Variants in TMEM132D observed in about 807,000 individuals in gnomAD.
The protein encoded by TMEM132D is transmembrane protein 132D, also known as mature OL transmembrane protein.
TMEM132D carries 21 observed loss-of-function variants against 62.3 expected under a neutral mutation model. The ratio of observed to expected loss-of-function variants is 0.34; its 90% CI spans 0.24 to 0.49. The LOEUF (loss-of-function observed/expected upper bound fraction) is 0.49, where lower values mean the gene tolerates loss of function less well. TMEM132D is among the 20% of genes least tolerant of loss of function. TMEM132D has a pLI of 0.99. For synonymous variants in TMEM132D, 621 were observed against 575.6 expected (o/e 1.08, Z -1.13); for missense variants, 1,346 against 1,402.8 (o/e 0.96, Z 0.65).
intron 4 of TMEM132D, among the ~76,000 whole-genome samples, chr12:129,319,233 G>T (rs1414995580): frequency 1.3e-5 from 2 of 152,234 alleles, no homozygotes; most frequent in African/African-American, 4.8e-5. Flanking sequence ...TGTGGTGCCA[G>T]GCAGGAATGG....
rs139984214 is a variant in TMEM132D, at chr12:129,430,004, C to T, written c.1116-92187G>A. Among the ~76,000 whole-genome samples the T allele has an allele frequency of 6.7e-3, 1,022 of 152,014 alleles. 8 individuals carry two copies. Among genetic ancestry groups the T allele is most frequent in the African/African-American group, 0.022 (896 of 41,438 alleles). ...TTGTTGTTGGACATTTGGGTTAGTT[C>T]CAAGTCTCTGCTATTGTGAATAGTG... is the stretch of plus-strand genomic sequence containing the variant. On this transcript the variant is annotated intron_variant, in intron 3 of 8. Transcript: ENST00000422113.
chr12:129,664,173 C>CA (rs1179117165), intron 2 of TMEM132D, among the ~76,000 whole-genome samples: 5 of 152,138 alleles, frequency 3.3e-5, no homozygotes, highest in African/African-American at 1.2e-4. Context: ...CTCACTAGAG[C>CA]AATCTTCAAA....
At chr12:129,826,476 C>T (rs966993519) in intron 1 of TMEM132D, among the ~76,000 whole-genome samples, 3 of 152,202 alleles carry the variant, frequency 2.0e-5, no homozygotes, top group Non-Finnish European at 4.4e-5. Context: ...TTCCTCATGT[C>T]TCTAGAGGTA....
chr12:129,807,442 C>T (rs1245687837), intron 1 of TMEM132D, among the ~76,000 whole-genome samples: 2 of 152,192 alleles, frequency 1.3e-5, no homozygotes, highest in Admixed American at 6.5e-5. Context: ...CAGACATCGC[C>T]ATCCCAATCC....
chr12:129,815,511 C>A (rs1226840384), intron 1 of TMEM132D, among the ~76,000 whole-genome samples: 1 of 152,196 alleles, frequency 6.6e-6, no homozygotes, highest in Non-Finnish European at 1.5e-5. Context: ...TTCCAGGAGC[C>A]ACCCCCACCC....
chr12:129,796,737 G>T (rs1871572649), intron 1 of TMEM132D, among the ~76,000 whole-genome samples: 1 of 152,128 alleles, frequency 6.6e-6, no homozygotes, highest in African/African-American at 2.4e-5. Context: ...TGGAGGGTGG[G>T]GAGTAAGGGG....
chr12:129,081,621 C>T (rs1874448265), intron 7 of TMEM132D, 138 bp downstream of exon 7: 1 of 1,301,784 alleles, frequency 7.7e-7, no homozygotes, highest in Non-Finnish European at 1.0e-6. Context: ...TTGCTTACTC[C>T]ACAATTTCTT....
Position 129,209,514 on chromosome 12 carries a change from A to T in TMEM132D, c.1443+6T>A, listed in dbSNP as rs762639339. 69 of 1,613,512 alleles carry T rather than the reference A, an allele frequency of 4.3e-5. No homozygotes were observed. The highest frequency in any genetic ancestry group is 5.7e-5 in the Non-Finnish European group (67 of 1,179,768). ...TTTCTGCAGGGGCGGGGAGGTGTCAACTTGCCTTAATCACGTCTTCATCAG... is the reference window on the plus strand; with the variant it reads ...TTTCTGCAGGGGCGGGGAGGTGTCATCTTGCCTTAATCACGTCTTCATCAG... On this transcript the variant is annotated splice_donor_region_variant and intron_variant, in intron 5 of 8. Transcript: ENST00000422113.
chr12:129,821,153 A>T (rs1872531842), intron 1 of TMEM132D, among the ~76,000 whole-genome samples: 2 of 152,166 alleles, frequency 1.3e-5, no homozygotes, highest in South Asian at 4.1e-4. Context: ...ATGATCAAAA[A>T]TGCTTAAGAA....
At chr12:129,098,473 G>GGTCTCTA (rs1875185143) in intron 5 of TMEM132D, among the ~76,000 whole-genome samples, 2 of 152,152 alleles carry the variant, frequency 1.3e-5, no homozygotes, top group Admixed American at 1.3e-4. Context: ...GGGCACAGAT[G>GGTCTCTA]CCTTTTTTTC....
chr12:129,420,304 C>CTTTTTTTT (rs1566063045), intron 3 of TMEM132D, among the ~76,000 whole-genome samples: 34 of 69,872 alleles, frequency 4.9e-4, no homozygotes, highest in African/African-American at 9.8e-4. Context: ...TGCACGTTCT[C>CTTTTTTTT]TGTTTTTTTT....
chr12:129,143,258 G>A (rs918747762), intron 5 of TMEM132D, among the ~76,000 whole-genome samples: 14 of 152,014 alleles, frequency 9.2e-5, no homozygotes, highest in Admixed American at 2.0e-4. Flanking sequence ...CAAAACTCAG[G>A]GAAACACTTA....
chr12:129,365,441 C>T (rs149118400), intron 3 of TMEM132D, among the ~76,000 whole-genome samples: 247 of 152,250 alleles, frequency 1.6e-3, no homozygotes, highest in African/African-American at 5.7e-3. Context: ...CTATCCAAAG[C>T]TAAGGCCTTA....
chr12:129,185,548 TATTTTA>T (rs1247577259), intron 5 of TMEM132D, among the ~76,000 whole-genome samples: 1 of 151,634 alleles, frequency 6.6e-6, no homozygotes, highest in African/African-American at 2.4e-5. Flanking sequence ...TTTATTATTT[TATTTTA>T]ATTTTATTAT....
intron 5 of TMEM132D, among the ~76,000 whole-genome samples, chr12:129,188,762 G>GGAGAGAGAGAGAGAGAGA (rs569138938): frequency 7.9e-6 from 1 of 126,224 alleles, no homozygotes; most frequent in African/African-American, 2.9e-5. Context: ...AGGGAGAGAG[G>GGAGAGAGAGAGAGAGAGA]GAGAGAGAGA....
intron 1 of TMEM132D, among the ~76,000 whole-genome samples, chr12:129,762,460 A>G (rs1206802481): frequency 6.6e-6 from 1 of 152,056 alleles, no homozygotes; most frequent in Admixed American, 6.5e-5. Context: ...CATCATTCCC[A>G]TGATGTTTCA....
chr12:129,512,475 G>A lies in TMEM132D; in HGVS notation c.1115+18584C>T, dbSNP rs192752698. ...ACAGAGACGAACAAGATGACAGAGA[G>A]ACATTGAACATTGGTGACATCTTCT... On this transcript the variant is annotated intron_variant, in intron 3 of 8. Coordinates refer to ENST00000422113, the MANE Select transcript of TMEM132D (RefSeq NM_133448.3). Among the ~76,000 whole-genome samples, 3 of 152,286 alleles carry A rather than the reference G, an allele frequency of 2.0e-5. No homozygotes were observed. The East Asian group carries it at 5.8e-4, about 29-fold the overall frequency.
At chr12:129,193,748 C>T (rs996426466) in intron 5 of TMEM132D, among the ~76,000 whole-genome samples, 16 of 152,140 alleles carry the variant, frequency 1.1e-4, no homozygotes, top group African/African-American at 3.6e-4. Context: ...TGCTACATAC[C>T]AGGCCTTCTG....
At chr12:129,587,494 C>T (rs561429478) in intron 2 of TMEM132D, among the ~76,000 whole-genome samples, 21 of 151,966 alleles carry the variant, frequency 1.4e-4, no homozygotes, top group Non-Finnish European at 2.2e-4. Flanking sequence ...CCCCATGACA[C>T]GAGTTTACCT....
Sources: gnomAD v4.1 joint callset for allele counts (sites outside exome capture counted in the v4.1 genomes callset) on GRCh38, gnomAD v4.1.1 for gene constraint, MANE v1.5 for transcripts, NCBI Gene and HGNC (gene_info 2026-07-23, HGNC 2026-07-21) for gene names.